The following CERKL variants were observed in gnomAD, a reference collection of about 807,000 sequenced individuals.
CERKL encodes ceramide kinase-like protein.
In CERKL, 61 loss-of-function variants were observed where a neutral mutation model predicts 63.4. That is an observed-to-expected ratio of 0.96 (90% CI 0.78 to 1.19). The LOEUF (loss-of-function observed/expected upper bound fraction) is 1.19, where lower values mean the gene tolerates loss of function less well. Ranked by LOEUF, CERKL falls within the 50% of genes most tolerant of loss-of-function variation. The probability of loss-of-function intolerance (pLI) is 0.00; values close to 1 mark genes in which losing one functional copy is unlikely to be tolerated. For synonymous variants in CERKL, 250 were observed against 230.5 expected, an observed-to-expected ratio of 1.08 and a Z score of -0.77; for missense variants, 675 against 655.5, an observed-to-expected ratio of 1.03 and a Z score of -0.33.
At chr2:181,631,677 C>A (rs898576450) in intron 1 of CERKL, among the ~76,000 whole-genome samples, 5 of 152,178 alleles carry the variant, frequency 3.3e-5, no homozygotes, top group African/African-American at 1.2e-4. Context: ...AACTTTGCCT[C>A]AAGCAAAGCA....
At chr2:181,653,415 T>A (rs2105554014) in intron 1 of CERKL, among the ~76,000 whole-genome samples, 1 of 152,304 alleles carries the variant, frequency 6.6e-6, no homozygotes, top group African/African-American at 2.4e-5. Context: ...CAGGTATGCA[T>A]CCAAAGGAAA....
At chr2:181,577,369 G>A (rs148382395) in intron 2 of CERKL, among the ~76,000 whole-genome samples, 1 of 152,226 alleles carries the variant, frequency 6.6e-6, no homozygotes, top group East Asian at 1.9e-4. Context: ...GAACTTTTAA[G>A]AGAGGAAAAA....
At chr2:181,618,269 T>A (rs74529904) in intron 1 of CERKL, among the ~76,000 whole-genome samples, 3,710 of 70,398 alleles carry the variant, frequency 0.053, 66 homozygotes, top group African/African-American at 0.087. Flanking sequence ...ACACAATATT[T>A]TTTTTTTTTT....
At chr2:181,571,927 G>C (rs555273195) in intron 3 of CERKL, among the ~76,000 whole-genome samples, 2 of 152,234 alleles carry the variant, frequency 1.3e-5, no homozygotes, top group African/African-American at 4.8e-5. Flanking sequence ...GCACACATAT[G>C]CACACCTCTC....
At chr2:181,606,209 AAGAC>A (rs1437810231) in intron 1 of CERKL, among the ~76,000 whole-genome samples, 1 of 123,460 alleles carries the variant, frequency 8.1e-6, no homozygotes, top group Non-Finnish European at 1.6e-5. Flanking sequence ...AAGGAAAAGA[AAGAC>A]AGGAAGGAAA....
chr2:181,537,733 A>G lies in CERKL; in HGVS notation c.*451T>C, dbSNP rs1476676737. The G allele has an allele frequency of 1.1e-5, 5 of 440,704 alleles. No homozygotes were observed. The highest frequency in any genetic ancestry group is 2.3e-5 in the Non-Finnish European group (5 of 220,100). The allele number at this position is 440,704 out of a possible 1,614,324, so 27.3% of individuals were successfully genotyped here. A position where few individuals can be genotyped will look rare whatever the true frequency, so the allele number is the denominator to read the frequency against. ...AAGTTTTTTTGTGTGTCCAATAAAC[A>G]CATTGTAAAAAAAAGAATTTGAATT... On this transcript the variant is annotated 3_prime_UTR_variant, in exon 13 of 13. Transcript: ENST00000410087.
At chr2:181,600,733 GA>G (rs1343947036) in intron 2 of CERKL, among the ~76,000 whole-genome samples, 6 of 152,006 alleles carry the variant, frequency 3.9e-5, no homozygotes, top group Admixed American at 6.6e-5. Context: ...GACCTATGGG[GA>G]AAAAAAGCTA....
At chr2:181,647,952 A>T (rs1687738327) in intron 1 of CERKL, among the ~76,000 whole-genome samples, 1 of 152,098 alleles carries the variant, frequency 6.6e-6, no homozygotes, top group Non-Finnish European at 1.5e-5. Context: ...CACAATCGAG[A>T]GCTTCAAGAA....
At chr2:181,573,939 T>A in intron 2 of CERKL, 55 bp from the exon 3 acceptor site, 1 of 1,554,108 alleles carries the variant, frequency 6.4e-7, no homozygotes, top group Non-Finnish European at 8.8e-7. Context: ...ATTTTTTTTC[T>A]TTCCCTTTAA....
chr2:181,652,141 T>C (rs1047650411), intron 1 of CERKL, among the ~76,000 whole-genome samples: 3 of 151,272 alleles, frequency 2.0e-5, no homozygotes, highest in Non-Finnish European at 4.4e-5. Context: ...TTTACAGAAA[T>C]GTTACAATCT....
chr2:181,617,475 T>C (rs1323057708), intron 1 of CERKL: 1 of 152,214 alleles, frequency 6.6e-6, no homozygotes, highest in Admixed American at 6.5e-5. Flanking sequence ...GAGAGCTTTG[T>C]CAATGATAAA....
chr2:181,614,149 T>C (rs1001602973), intron 1 of CERKL, among the ~76,000 whole-genome samples: 8 of 152,134 alleles, frequency 5.3e-5, no homozygotes, highest in Non-Finnish European at 1.2e-4. Flanking sequence ...TTCCTAGACT[T>C]GAGAGAGAGC....
rs879245279 is a variant in CERKL, at chr2:181,656,714, G to A, written c.238+55C>T. The A allele has an allele frequency of 9.1e-6, 13 of 1,433,518 alleles. 1 individual carries two copies. The highest frequency in any genetic ancestry group is 9.1e-5 in the South Asian group (7 of 77,276). 88.8% of individuals were successfully genotyped at this position (1,433,518 alleles called of 1,614,324 possible). ...AGCTCGTGGGTGTAGGCCTTGGGCCGGGGAGAGGGAGGAAGCGCGGAGGGA... is the reference window on the plus strand; with the variant it reads ...AGCTCGTGGGTGTAGGCCTTGGGCCAGGGAGAGGGAGGAAGCGCGGAGGGA... On this transcript the variant is annotated intron_variant, in intron 1 of 12. Coordinates refer to ENST00000410087, the MANE Select transcript of CERKL (RefSeq NM_201548.5).
chr2:181,595,904 C>T (rs1418939634), intron 2 of CERKL, among the ~76,000 whole-genome samples: 1 of 152,012 alleles, frequency 6.6e-6, no homozygotes, highest in Non-Finnish European at 1.5e-5. Context: ...AAGTTGCTAT[C>T]AAAAAATGGA....
At position 181,600,063 on chromosome 2, in the gene CERKL, A is replaced by G. The variant is rs142976491; in HGVS notation, c.481+3774T>C. Among the ~76,000 whole-genome samples the G allele has an allele frequency of 4.6e-5, 7 of 152,338 alleles. No individual in the cohort carries two copies. In the East Asian group the frequency reaches 1.3e-3, roughly 29 times the overall value. On this transcript the variant is annotated intron_variant, in intron 2 of 12. Coordinates refer to ENST00000410087, the MANE Select transcript of CERKL (RefSeq NM_201548.5). ...GGCCTACTTTTAGCCTCCTTAAAGAAAAAAGAAAATGCCAGCCAAGAATTT... is the reference window on the plus strand; with the variant it reads ...GGCCTACTTTTAGCCTCCTTAAAGAGAAAAGAAAATGCCAGCCAAGAATTT...
rs1394762174 is a variant in CERKL, at chr2:181,548,690, C to T, written c.1063G>A (p.Ala355Thr). 2 of 1,613,940 alleles carry T rather than the reference C, an allele frequency of 1.2e-6. No homozygotes were observed. Among genetic ancestry groups the T allele is most frequent in the Non-Finnish European group, 1.7e-6 (2 of 1,179,906 alleles). ...AAGAAAAAGACTTACTTAAGTTTTG[C>T]CAGTGCCTTAACAACAGCAAAATCT... ...RRDFAVVKALAKLKAEDCEIS... is the reference protein window; with the variant it reads ...RRDFAVVKALTKLKAEDCEIS... The change falls in exon 7 of 13, where the codon GCA becomes ACA. Residue 355 changes from alanine (A) to threonine (T), a missense_variant. Transcript: ENST00000410087.
At chr2:181,561,409 CA>C (rs3060971) in intron 4 of CERKL, among the ~76,000 whole-genome samples, 3,683 of 122,906 alleles carry the variant, frequency 0.03, 59 homozygotes, top group African/African-American at 0.041. Flanking sequence ...GAATTTATCT[CA>C]AAAAAAAAAA....
In CERKL at chr2:181,537,880, G is replaced by C; in HGVS notation, c.*304C>G. The C allele has an allele frequency of 1.8e-6, 1 of 541,228 alleles. No individual in the cohort carries two copies. Among genetic ancestry groups the C allele is most frequent in the South Asian group, 1.5e-5 (1 of 65,274 alleles). 33.5% of individuals were successfully genotyped at this position (541,228 alleles called of 1,614,324 possible). On this transcript the variant is annotated 3_prime_UTR_variant, in exon 13 of 13. Coordinates refer to ENST00000410087, the MANE Select transcript of CERKL (RefSeq NM_201548.5). ...TTTGGCCACACAGCAGGAGGTTAGA[G>C]CAATGGAGCATTACTGAGTTCCTCC...
chr2:181,633,429 T>C (rs945301598), intron 1 of CERKL, among the ~76,000 whole-genome samples: 2 of 152,206 alleles, frequency 1.3e-5, no homozygotes, highest in South Asian at 4.1e-4. Flanking sequence ...AACAGAGGGA[T>C]AGGCTGTAAC....
Sources: allele counts gnomAD v4.1 joint callset (sites outside exome capture counted in the v4.1 genomes callset), GRCh38; gene constraint gnomAD v4.1.1; transcripts MANE v1.5; gene names NCBI Gene and HGNC (gene_info 2026-07-23, HGNC 2026-07-21).